HNRNPU: variants seen among roughly 807,000 people sequenced by gnomAD.
The protein encoded by HNRNPU is heterogeneous nuclear ribonucleoprotein U.
A neutral mutation model predicts 94.7 loss-of-function variants in HNRNPU; 5 were observed. The observed-to-expected ratio is 0.05, with a 90% CI of 0.03 to 0.11. HNRNPU has a LOEUF of 0.11. HNRNPU is among the 10% of genes least tolerant of loss of function. The pLI is 1.00. For synonymous variants in HNRNPU, 434 were observed against 381.6 expected, an observed-to-expected ratio of 1.14 and a Z score of -1.60; for missense variants, 710 against 1,049.2, an observed-to-expected ratio of 0.68 and a Z score of 4.47.
At chr1:244,862,986 G>A (rs1277075339) in intron 1 of HNRNPU, 1 of 517,144 alleles carries the variant, frequency 1.9e-6, no homozygotes, top group Non-Finnish European at 3.5e-6. Context: ...GCCCAGGCCC[G>A]AAGCCCACGT....
chr1:244,858,549 T>G (rs1391406512), intron 6 of HNRNPU, 180 bp downstream of exon 6: 4 of 610,258 alleles, frequency 6.6e-6, no homozygotes, highest in Non-Finnish European at 1.2e-5. Flanking sequence ...AATTAGTGAG[T>G]TCCTCAAAAA....
At chr1:244,863,503 G>A in intron 1 of HNRNPU, 114 bp downstream of exon 1, 3 of 417,028 alleles carry the variant, frequency 7.2e-6, no homozygotes, top group Non-Finnish European at 9.8e-6. Flanking sequence ...CACCCTCACC[G>A]CGGCGCCCTC....
In HNRNPU at chr1:244,858,709, G is replaced by GA. The variant is rs1680745636; in HGVS notation, c.1230+19dup. 1.5e-6 allele frequency: 2 copies of GA among 1,327,046 alleles called. No homozygotes were observed. Among genetic ancestry groups the GA allele is most frequent in the Admixed American group, 1.7e-5 (1 of 58,018 alleles). 82.2% of individuals were successfully genotyped at this position (1,327,046 alleles called of 1,614,324 possible). ...CTACTAACTTTGCCATTTATACATA[G>GA]AAAGTTAGCTTTAACTTACAGCAAA... On this transcript the variant is annotated intron_variant, in intron 6 of 13. Coordinates refer to ENST00000640218, the MANE Select transcript of HNRNPU (RefSeq NM_031844.3).
rs1442789487 is a variant in HNRNPU, at chr1:244,862,327, TA to T, written c.877+133del. On this transcript the variant is annotated intron_variant, in intron 3 of 13. Transcript: ENST00000640218. The stretch of plus-strand genomic sequence containing the variant: ...ATATTAAACTACTAGGTTCTGAATG[TA>T]AACCATTATCTTCCTGCTTTTAAAA... 4.9e-5 allele frequency: 31 copies of T among 627,484 alleles called. No individual in the cohort carries two copies. In the African/African-American group the frequency reaches 5.1e-4, roughly 10 times the overall value. 38.9% of individuals were successfully genotyped at this position (627,484 alleles called of 1,614,324 possible). A position where few individuals can be genotyped will look rare whatever the true frequency, so the allele number is the denominator to read the frequency against.
At chr1:244,858,517 T>A in intron 6 of HNRNPU, 1 of 606,058 alleles carries the variant, frequency 1.7e-6, no homozygotes, top group South Asian at 2.1e-5. Context: ...CAATTTCATG[T>A]TCACTGTTTT....
rs2102985697 is a variant in HNRNPU at position 244,856,500 on chromosome 1, T to C, written c.1869A>G (p.Val623=). The C allele has an allele frequency of 6.2e-7, 1 of 1,614,072 alleles. No homozygotes were observed. The highest frequency in any genetic ancestry group is 8.5e-7 in the Non-Finnish European group (1 of 1,179,948). Residue 623 remains valine (V), a synonymous_variant, in exon 10 of 14, where the codon GTA becomes GTG. Transcript: ENST00000640218. ...CATGTTCTGGTAGGTCTTTCCCCTC[T>C]ACTTCTGCTTTCTTCTGTGTTCTTT... ...YKQRTQKKAE[V]EGKDLPEHAV...
chr1:244,858,673 C>G, intron 6 of HNRNPU, 56 bp downstream of exon 6: 1 of 907,750 alleles, frequency 1.1e-6, no homozygotes, highest in East Asian at 2.4e-5. Flanking sequence ...CTTTAAAGTT[C>G]CTAGATATAG....
In HNRNPU at chr1:244,852,523, A is replaced by G. The variant is rs1439619927; in HGVS notation, c.*1927T>C. On this transcript the variant is annotated 3_prime_UTR_variant, in exon 14 of 14. Coordinates refer to ENST00000640218, the MANE Select transcript of HNRNPU (RefSeq NM_031844.3). Reference sequence around the variant, plus strand: ...AACTGTTCCTCTAGTAAGTCTATGCAATCCTAATAATGTATACTGAAGAGT... The same window carrying G: ...AACTGTTCCTCTAGTAAGTCTATGCGATCCTAATAATGTATACTGAAGAGT... The G allele has an allele frequency of 6.6e-6, 1 of 152,198 alleles. No homozygotes were observed. The highest frequency in any genetic ancestry group is 1.5e-5 in the Non-Finnish European group (1 of 68,020). 9.4% of individuals were successfully genotyped at this position (152,198 alleles called of 1,614,324 possible).
chr1:244,863,771 G>A lies in HNRNPU; in HGVS notation c.537C>T (p.Ala179=), dbSNP rs1206038257. The A allele has an allele frequency of 1.3e-6, 2 of 1,594,694 alleles. No homozygotes were observed. The highest frequency in any genetic ancestry group is 1.7e-6 in the Non-Finnish European group (2 of 1,173,094). Residue 179 remains alanine, a synonymous_variant, in exon 1 of 14, where the codon GCC becomes GCT. Transcript: ENST00000640218. ...TGCTCTTCCCCGCGGCCTCCTTGGCGGCCCCGCGCTGCTGTTGGGGCTGTT... is the reference window on the plus strand; with the variant it reads ...TGCTCTTCCCCGCGGCCTCCTTGGCAGCCCCGCGCTGCTGTTGGGGCTGTT... ...QQQQPQQQRG[A]AKEAAGKSSG... is the part of the protein sequence containing the mutation.
chr1:244,862,607 A>T lies in HNRNPU; in HGVS notation c.803+12T>A, dbSNP rs777993902. ...AATAAGGGATGAGTAAAACTAGGTGAGCATCCTATACCTGCTATACTTGTT... is the reference window on the plus strand; with the variant it reads ...AATAAGGGATGAGTAAAACTAGGTGTGCATCCTATACCTGCTATACTTGTT... On this transcript the variant is annotated intron_variant, in intron 2 of 13. Coordinates refer to ENST00000640218, the MANE Select transcript of HNRNPU (RefSeq NM_031844.3). The T allele has an allele frequency of 1.4e-5, 22 of 1,605,990 alleles. No homozygotes were observed. Among genetic ancestry groups the T allele is most frequent in the South Asian group, 3.3e-5 (3 of 90,886 alleles).
chr1:244,852,245 G>GTATTAATTC lies in HNRNPU; in HGVS notation c.*2196_*2204dup. 1 of 152,208 alleles carries GTATTAATTC rather than the reference G, an allele frequency of 6.6e-6. No individual in the cohort carries two copies. The highest frequency in any genetic ancestry group is 3.4e-3 in the Middle Eastern group (1 of 294). The allele number at this position is 152,208 out of a possible 1,614,324, so 9.4% of individuals were successfully genotyped here. On this transcript the variant is annotated 3_prime_UTR_variant, in exon 14 of 14. Transcript: ENST00000640218. Reference sequence around the variant, plus strand: ...TTCTGCCATACAAGTGTAGACAATTGTATTAATTCTAGTCTTGACTAAAGA... The same window carrying GTATTAATTC: ...TTCTGCCATACAAGTGTAGACAATTGTATTAATTCTATTAATTCTAGTCTTGACTAAAGA...
intron 3 of HNRNPU, chr1:244,861,765 A>G (rs1680838522): frequency 6.7e-6 from 1 of 149,016 alleles, no homozygotes; most frequent in South Asian, 2.1e-4. Context: ...AAAAAAAACA[A>G]GTCTGACAGT....
chr1:244,853,211 A>AACTTT lies in HNRNPU; in HGVS notation c.*1234_*1238dup, dbSNP rs1339514265. 2.6e-5 allele frequency: 4 copies of AACTTT among 152,588 alleles called. No individual in the cohort carries two copies. Among genetic ancestry groups the AACTTT allele is most frequent in the African/African-American group, 9.6e-5 (4 of 41,460 alleles). 9.5% of individuals were successfully genotyped at this position (152,588 alleles called of 1,614,324 possible). On this transcript the variant is annotated 3_prime_UTR_variant, in exon 14 of 14. Coordinates refer to ENST00000640218, the MANE Select transcript of HNRNPU (RefSeq NM_031844.3). ...GGGGGGGAGGGGAAGGGAAGAATTC[A>AACTTT]ACTTTACTTCATAATTATGTATCAA...
At chr1:244,859,215 C>A in intron 5 of HNRNPU, 60 bp downstream of exon 5, 1 of 857,920 alleles carries the variant, frequency 1.2e-6, no homozygotes, top group Non-Finnish European at 2.0e-6. Context: ...AGTTAAAAAA[C>A]ACTGAAATCA....
At chr1:244,858,507 C>T in intron 6 of HNRNPU, 1 of 605,606 alleles carries the variant, frequency 1.7e-6, no homozygotes, top group Non-Finnish European at 2.9e-6. Context: ...TTTTCTAGGT[C>T]AATTTCATGT....
In HNRNPU at chr1:244,864,527, G is replaced by T. The variant is rs1352496126; in HGVS notation, c.-220C>A. 2.9e-6 allele frequency: 2 copies of T among 696,440 alleles called. No individual in the cohort carries two copies. The highest frequency in any genetic ancestry group is 4.2e-5 in the South Asian group (2 of 47,472). The allele number at this position is 696,440 out of a possible 1,614,324, so 43.1% of individuals were successfully genotyped here. ...ACGCGGAGACTCGCCTGGCGCGAGC[G>T]AGCACGCAACGTCCTCTCGCAGGAG... is the stretch of plus-strand genomic sequence containing the variant. On this transcript the variant is annotated 5_prime_UTR_variant, in exon 1 of 14. Coordinates refer to ENST00000640218, the MANE Select transcript of HNRNPU (RefSeq NM_031844.3).
Position 244,850,732 on chromosome 1 carries a change from T to C in HNRNPU, c.*3718A>G, listed in dbSNP as rs1680525395. 6.6e-6 allele frequency: 1 copy of C among 152,164 alleles called. No individual in the cohort carries two copies. Among genetic ancestry groups the C allele is most frequent in the Non-Finnish European group, 1.5e-5 (1 of 68,026 alleles). 9.4% of individuals were successfully genotyped at this position (152,164 alleles called of 1,614,324 possible). On this transcript the variant is annotated 3_prime_UTR_variant, in exon 14 of 14. Coordinates refer to ENST00000640218, the MANE Select transcript of HNRNPU (RefSeq NM_031844.3). ...CAGGCCTTAACATGTATGTGTTTGC[T>C]TTTATTATTACTAAAATGTTAAAAC...
rs756736844 is a variant in HNRNPU at position 244,855,575 on chromosome 1, C to G, written c.2201G>C (p.Gly734Ala). The G allele has an allele frequency of 6.2e-7, 1 of 1,613,794 alleles. No homozygotes were observed. ...PGNRGGYNRR[G>A]NMPQRGGGGG... ...GCCACCACCTCTCTGTGGCATGTTG[C>G]CCCTCCTATTATATCCGCCACGATT... Residue 734 changes from glycine to alanine, a missense_variant, in exon 12 of 14, where the codon GGC (glycine) becomes GCC (alanine). Physicochemically the swap from Gly to Ala is moderately conservative, Grantham distance 60 (BLOSUM62 0). Coordinates refer to ENST00000640218, the MANE Select transcript of HNRNPU (RefSeq NM_031844.3).
chr1:244,854,833 C>T (rs367773810), intron 13 of HNRNPU, 140 bp downstream of exon 13: 6 of 661,684 alleles, frequency 9.1e-6, no homozygotes, highest in East Asian at 8.5e-5. Context: ...ATTATGGCTA[C>T]TACTGCAAGA....
Sources: allele counts gnomAD v4.1 joint callset, GRCh38; gene constraint gnomAD v4.1.1; transcripts MANE v1.5; gene names NCBI Gene and HGNC (gene_info 2026-07-23, HGNC 2026-07-21).